The following RTN4 variants were observed in gnomAD, a reference collection of about 807,000 sequenced individuals.
RTN4 encodes reticulon 4.
In RTN4, 32 loss-of-function variants were observed where a neutral mutation model predicts 90.4. The ratio of observed to expected loss-of-function variants is 0.35; its 90% CI spans 0.27 to 0.48. RTN4 has a LOEUF of 0.48. Among genes scored for constraint, RTN4 ranks in the 20% least tolerant of loss-of-function variants. The pLI, the probability that RTN4 is intolerant of heterozygous loss-of-function variation, is 0.99. For synonymous variants in RTN4, 629 were observed against 552.5 expected (o/e 1.14, Z -1.94); for missense variants, 1,706 against 1,430.2 (o/e 1.19, Z -3.11).
rs1668031923 is a variant in RTN4, at chr2:55,050,274, C to A, written c.27G>T (p.Leu9=). 3 of 1,495,428 alleles carry A rather than the reference C, an allele frequency of 2.0e-6. No individual in the cohort carries two copies. Among genetic ancestry groups the A allele is most frequent in the Non-Finnish European group, 2.7e-6 (3 of 1,122,630 alleles). The allele number at this position is 1,495,428 out of a possible 1,614,324, so 92.6% of individuals were successfully genotyped here. A position where few individuals can be genotyped will look rare whatever the true frequency, so the allele number is the denominator to read the frequency against. Residue 9 remains leucine, a synonymous_variant, in exon 1 of 9, where the codon CTG becomes CTT. Transcript: ENST00000337526. This position sits in a 1 kb window ranked among gnomAD's most constrained non-coding sequence, Gnocchi z 4.6. ...GGGGTGGGCTGTCCGAGGACGAGAC[C>A]AGAGGAGACTGGTCCAGGTCTTCCA... The part of the protein sequence containing the change: MEDLDQSP[L]VSSSDSPPRP...
At chr2:55,011,260 C>G (rs1214131388) in intron 3 of RTN4, among the ~76,000 whole-genome samples, 1 of 152,102 alleles carries the variant, frequency 6.6e-6, no homozygotes, top group Non-Finnish European at 1.5e-5. Flanking sequence ...CTCCTGGGCT[C>G]AAGCAATTCT....
At chr2:55,111,846 C>G (rs916924397) in intron 1 of RTN4, among the ~76,000 whole-genome samples, 2 of 152,208 alleles carry the variant, frequency 1.3e-5, no homozygotes, top group Non-Finnish European at 2.9e-5. Context: ...TATCCATCTT[C>G]CCGAATGCTG....
rs373004081 is a variant in RTN4 at position 55,025,357 on chromosome 2, T to C, written c.2742A>G (p.Glu914=). The C allele has an allele frequency of 3.7e-6, 6 of 1,613,864 alleles. No individual in the cohort carries two copies. The African/African-American group carries it at 5.3e-5, about 14-fold the overall frequency. ...TCTTCAAAGAAAGGTCATGGGGCAA[T>C]TCTGTGCAAGGCAATGACCCAGCTC... ...PDGAGSLPCT[E]LPHDLSLKNI... The change falls in exon 3 of 9, where the codon GAA becomes GAG. Residue 914 remains glutamate (E), a synonymous_variant. Coordinates refer to ENST00000337526, the MANE Select transcript of RTN4 (RefSeq NM_020532.5).
At chr2:55,013,603 T>TA (rs1680803910) in intron 3 of RTN4, among the ~76,000 whole-genome samples, 1 of 82,594 alleles carries the variant, frequency 1.2e-5, no homozygotes, top group Non-Finnish European at 2.2e-5. Flanking sequence ...TGGTGGGTTT[T>TA]TTTTTGGGGG....
rs1257392438 is a variant in RTN4, at chr2:54,972,748, C to T, written c.*408G>A. The T allele has an allele frequency of 6.3e-6, 1 of 158,932 alleles. No homozygotes were observed. Among genetic ancestry groups the T allele is most frequent in the Non-Finnish European group, 1.4e-5 (1 of 73,332 alleles). The allele number at this position is 158,932 out of a possible 1,614,324, so 9.8% of individuals were successfully genotyped here. ...AAACAAACATTTCATTTCAGAAAAT[C>T]TGCATCAATCTACACGGACCATACA... On this transcript the variant is annotated 3_prime_UTR_variant, in exon 9 of 9. Coordinates refer to ENST00000337526, the MANE Select transcript of RTN4 (RefSeq NM_020532.5).
rs368851134 is a variant in RTN4 at position 55,027,146 on chromosome 2, T to C, written c.953A>G (p.Asn318Ser). The change falls in exon 3 of 9, where the codon AAT (asparagine) becomes AGT (serine). Residue 318 changes from asparagine to serine, a missense_variant. Asn to Ser is a conservative substitution (Grantham distance 46). Transcript: ENST00000337526. ...PKAESAVIVA[N>S]PREEIIVKNK... Reference sequence around the variant, plus strand: ...TTTCACGATTATTTCTTCCCTAGGATTTGCTACTATTACGGCAGATTCTGC... The same window carrying C: ...TTTCACGATTATTTCTTCCCTAGGACTTGCTACTATTACGGCAGATTCTGC... 1 of 1,613,470 alleles carries C rather than the reference T, an allele frequency of 6.2e-7. No homozygotes were observed.
chr2:55,137,578 G>C, the RTN4 span, among the ~76,000 whole-genome samples: 1 of 152,094 alleles, frequency 6.6e-6, no homozygotes, highest in Non-Finnish European at 1.5e-5. Flanking sequence ...CTCCTGGGTA[G>C]ATGCGTGCCT....
the RTN4 span, among the ~76,000 whole-genome samples, chr2:55,137,660 G>A: frequency 1.3e-5 from 2 of 152,050 alleles, no homozygotes; most frequent in Non-Finnish European, 2.9e-5. Context: ...CCACCCCACT[G>A]CTGGCACAGA....
chr2:55,036,174 A>T (rs1053512782), intron 1 of RTN4, among the ~76,000 whole-genome samples: 5 of 152,218 alleles, frequency 3.3e-5, no homozygotes, highest in African/African-American at 1.2e-4. Context: ...TTTATATAAC[A>T]ATATTCCTCA....
intron 3 of RTN4, chr2:55,014,322 C>T (rs963896808): frequency 8.5e-5 from 13 of 152,070 alleles, no homozygotes; most frequent in African/African-American, 2.9e-4. Flanking sequence ...GAAAGTGACA[C>T]TATTTATGAA....
upstream of RTN4, chr2:55,050,738 G>T (rs995139505): frequency 6.5e-6 from 1 of 153,602 alleles, no homozygotes; most frequent in African/African-American, 2.4e-5. The surrounding 1 kb of genome is among the most constrained non-coding windows in gnomAD (Gnocchi z 4.6). Context: ...GCGTTCAATG[G>T]GCGGGGCTGA....
chr2:55,129,193 G>A, the RTN4 span, among the ~76,000 whole-genome samples: 12 of 151,698 alleles, frequency 7.9e-5, no homozygotes, highest in Non-Finnish European at 1.5e-4. Context: ...AAATACAAAT[G>A]GCCAACAGCA....
chr2:54,993,032 C>CCA (rs1046113026), intron 3 of RTN4, among the ~76,000 whole-genome samples: 2 of 147,982 alleles, frequency 1.4e-5, no homozygotes, highest in African/African-American at 5.0e-5. Flanking sequence ...CGAGATTGCG[C>CCA]CACTGCACTC....
the RTN4 span, among the ~76,000 whole-genome samples, chr2:55,136,605 C>T: frequency 3.9e-5 from 6 of 152,250 alleles, no homozygotes; most frequent in Admixed American, 6.5e-5. Flanking sequence ...AATCAAGCTG[C>T]CACAGACCCA....
chr2:55,078,554 C>T (rs1355171504), intron 2 of RTN4, among the ~76,000 whole-genome samples: 2 of 152,204 alleles, frequency 1.3e-5, no homozygotes, highest in African/African-American at 4.8e-5. Context: ...GAGACTTTAG[C>T]CTGTCTTCCT....
At chr2:54,995,724 C>CG (rs905648522) in intron 3 of RTN4, among the ~76,000 whole-genome samples, 3 of 152,066 alleles carry the variant, frequency 2.0e-5, no homozygotes, top group African/African-American at 2.4e-5. Context: ...TACACACACC[C>CG]CCACACTCAT....
chr2:55,005,878 A>G (rs1680183380), intron 3 of RTN4, among the ~76,000 whole-genome samples: 1 of 152,144 alleles, frequency 6.6e-6, no homozygotes, highest in Non-Finnish European at 1.5e-5. Context: ...TGTGTTAAGT[A>G]TTTATGTGTG....
intron 1 of RTN4, among the ~76,000 whole-genome samples, chr2:55,090,222 T>C (rs896432406): frequency 1.3e-5 from 2 of 152,138 alleles, no homozygotes; most frequent in African/African-American, 4.8e-5. Context: ...ATAGGAGGTA[T>C]GATAAGGCCA....
At position 54,973,145 on chromosome 2, in the gene RTN4, T is replaced by C. The variant is rs758951372; in HGVS notation, c.*11A>G. ...TTAAAGATGAACTCCTACTAATTAT[T>C]TTGGGCGTTTTCATTCAGCTTTGCG... On this transcript the variant is annotated 3_prime_UTR_variant, in exon 9 of 9. Coordinates refer to ENST00000337526, the MANE Select transcript of RTN4 (RefSeq NM_020532.5). 2 of 1,601,604 alleles carry C rather than the reference T, an allele frequency of 1.2e-6. No individual in the cohort carries two copies. Among genetic ancestry groups the C allele is most frequent in the South Asian group, 2.2e-5 (2 of 90,228 alleles).
Sources: gnomAD v4.1 joint callset for allele counts (sites outside exome capture counted in the v4.1 genomes callset) on GRCh38, gnomAD v4.1.1 for gene constraint, Gnocchi (gnomAD v3.1) non-coding constraint, MANE v1.5 for transcripts, NCBI Gene and HGNC (gene_info 2026-07-23, HGNC 2026-07-21) for gene names.